Variants in SUPT3H observed in about 807,000 individuals in gnomAD.
SUPT3H encodes SPT3 homolog, SAGA and STAGA complex component, also known as transcription initiation protein SPT3 homolog.
SUPT3H carries 44 observed loss-of-function variants against 44.3 expected under a neutral mutation model. The ratio of observed to expected loss-of-function variants is 0.99; its 90% confidence interval spans 0.78 to 1.28. The LOEUF is 1.28. Ranked by LOEUF, SUPT3H falls within the 50% of genes most tolerant of loss-of-function variation. SUPT3H has a pLI of 0.00. For missense variants in SUPT3H, 380 were observed against 387.1 expected (o/e 0.98, Z 0.15); for synonymous variants, 124 against 125.6 (o/e 0.99, Z 0.09).
At chr6:45,156,626 T>C (rs1409356203) in intron 2 of SUPT3H, among the ~76,000 whole-genome samples, 2 of 151,582 alleles carry the variant, frequency 1.3e-5, no homozygotes, top group African/African-American at 2.4e-5. Flanking sequence ...GTTAAATCAG[T>C]GTCAGCTTTG....
At chr6:45,333,232 C>A (rs961116671) in intron 2 of SUPT3H, among the ~76,000 whole-genome samples, 11 of 151,428 alleles carry the variant, frequency 7.3e-5, no homozygotes, top group Non-Finnish European at 3.0e-5. Context: ...TAATGTGTTA[C>A]GATTCAAAAA....
Position 45,365,307 on chromosome 6 carries a change from TA to T in SUPT3H, c.1-7del. 6.3e-7 allele frequency: 1 copy of T among 1,591,338 alleles called. No individual in the cohort carries two copies. Among genetic ancestry groups the T allele is most frequent in the Non-Finnish European group, 8.6e-7 (1 of 1,164,226 alleles). On this transcript the variant is annotated splice_polypyrimidine_tract_variant and splice_region_variant and intron_variant, in intron 1 of 10. Coordinates refer to ENST00000371459, the MANE Select transcript of SUPT3H (RefSeq NM_003599.4). ...CTAGCTGCCGTATTATTCATCTAAA[TA>T]AAAAGGAGAAATAAAGCTTACAAAA...
intron 3 of SUPT3H, among the ~76,000 whole-genome samples, chr6:45,078,137 T>A (rs574541958): frequency 2.9e-4 from 44 of 152,332 alleles, no homozygotes; most frequent in African/African-American, 9.9e-4. Flanking sequence ...CCTCCCAAAG[T>A]GCTGGGATTA....
intron 10 of SUPT3H, among the ~76,000 whole-genome samples, chr6:44,859,748 A>AT (rs1336624902): frequency 3.9e-5 from 6 of 152,142 alleles, no homozygotes; most frequent in Non-Finnish European, 5.9e-5. Context: ...TCTTTTAACT[A>AT]TTTTTCTAGT....
At chr6:45,339,377 C>T (rs888931611) in intron 2 of SUPT3H, among the ~76,000 whole-genome samples, 5 of 152,116 alleles carry the variant, frequency 3.3e-5, no homozygotes, top group Non-Finnish European at 5.9e-5. Context: ...AATAGATAGC[C>T]AACTTTTAAT....
intron 3 of SUPT3H, among the ~76,000 whole-genome samples, chr6:45,034,636 C>A (rs1583179868): frequency 6.6e-6 from 1 of 152,072 alleles, no homozygotes; most frequent in African/African-American, 2.4e-5. Flanking sequence ...GATTCAGAGA[C>A]TTAATTTAAG....
At chr6:45,114,978 CATCT>C (rs937062163) in intron 2 of SUPT3H, among the ~76,000 whole-genome samples, 2 of 152,116 alleles carry the variant, frequency 1.3e-5, no homozygotes, top group African/African-American at 2.4e-5. Flanking sequence ...GCTAAATGAA[CATCT>C]ATTAAGCCTC....
chr6:45,181,643 C>T (rs9381371), intron 2 of SUPT3H, among the ~76,000 whole-genome samples: 5 of 149,790 alleles, frequency 3.3e-5, no homozygotes, highest in Middle Eastern at 6.8e-3. Context: ...GCATATTCTC[C>T]CTCATAAGTG....
chr6:45,243,049 C>G (rs1046338036), intron 2 of SUPT3H, among the ~76,000 whole-genome samples: 2 of 151,872 alleles, frequency 1.3e-5, no homozygotes, highest in Non-Finnish European at 2.9e-5. Context: ...CAAAAATTAG[C>G]TGGGCATGGT....
chr6:44,877,683 C>G (rs371205923), intron 10 of SUPT3H, among the ~76,000 whole-genome samples: 2 of 152,142 alleles, frequency 1.3e-5, no homozygotes, highest in East Asian at 1.9e-4. Flanking sequence ...CATTTTTAAA[C>G]AGACCTAAGA....
In SUPT3H at chr6:45,129,476, T is replaced by C. The variant is rs548130735; in HGVS notation, c.102-23470A>G. 7.2e-5 allele frequency among the ~76,000 whole-genome samples: 11 copies of C among 152,262 alleles called. No homozygotes were observed. In the East Asian group the frequency reaches 9.6e-4, roughly 13 times the overall value. On this transcript the variant is annotated intron_variant, in intron 2 of 10. Transcript: ENST00000371459. ...AATTCTTGGTTTCCTTGTGTAGATA[T>C]TTAAGCAATAATTTCATGTTTATGA...
chr6:44,989,516 T>C (rs914989151), intron 6 of SUPT3H, among the ~76,000 whole-genome samples: 3 of 152,126 alleles, frequency 2.0e-5, no homozygotes, highest in African/African-American at 7.2e-5. Context: ...TTTGGATATA[T>C]ACCCAGAAGC....
chr6:44,920,259 G>A (rs1344683478), intron 10 of SUPT3H, among the ~76,000 whole-genome samples: 1 of 151,200 alleles, frequency 6.6e-6, no homozygotes, highest in Non-Finnish European at 1.5e-5. Context: ...GCTCCTTAAT[G>A]ACTATGTCTG....
At chr6:45,142,767 A>AAAAAAAAAAAG (rs1805446678) in intron 2 of SUPT3H, among the ~76,000 whole-genome samples, 1 of 138,238 alleles carries the variant, frequency 7.2e-6, no homozygotes, top group Non-Finnish European at 1.6e-5. Flanking sequence ...AAAAAAAAGC[A>AAAAAAAAAAAG]GAATGGCAGA....
At chr6:45,028,896 C>CAAAAAAAAAAAAAAAAAAA (rs57234806) in intron 3 of SUPT3H, among the ~76,000 whole-genome samples, 3 of 71,052 alleles carry the variant, frequency 4.2e-5, no homozygotes, top group African/African-American at 6.3e-5. Context: ...AAACAGTTGC[C>CAAAAAAAAAAAAAAAAAAA]AAAAAAAAAA....
intron 3 of SUPT3H, chr6:45,099,086 G>A (rs1798188009): frequency 5.4e-6 from 2 of 367,020 alleles, no homozygotes; most frequent in South Asian, 4.4e-5. Context: ...CAGCTGTGGT[G>A]AACATTGCCC....
intron 2 of SUPT3H, among the ~76,000 whole-genome samples, chr6:45,310,806 G>A (rs1429774929): frequency 2.0e-5 from 3 of 152,142 alleles, no homozygotes; most frequent in Non-Finnish European, 2.9e-5. Flanking sequence ...CCTTCCCTCT[G>A]ACAGAGCCTA....
At chr6:45,047,329 T>C (rs894452570) in intron 3 of SUPT3H, among the ~76,000 whole-genome samples, 3 of 152,174 alleles carry the variant, frequency 2.0e-5, no homozygotes, top group Non-Finnish European at 4.4e-5. Context: ...TAGGTTTGTA[T>C]TGGTAGAGGT....
At chr6:45,044,218 C>T (rs1457259761) in intron 3 of SUPT3H, among the ~76,000 whole-genome samples, 3 of 152,138 alleles carry the variant, frequency 2.0e-5, no homozygotes, top group East Asian at 1.9e-4. Context: ...TTTCCAACCT[C>T]GCCCCTATGC....
Sources: allele counts gnomAD v4.1 joint callset (sites outside exome capture counted in the v4.1 genomes callset), GRCh38; gene constraint gnomAD v4.1.1; transcripts MANE v1.5; gene names NCBI Gene and HGNC (gene_info 2026-07-23, HGNC 2026-07-21).